ITPRID1: variants seen among roughly 807,000 people sequenced by gnomAD.
The protein encoded by ITPRID1 is ITPR interacting domain containing 1.
ITPRID1 carries 96 observed loss-of-function variants against 95.4 expected under a neutral mutation model. That is an observed-to-expected ratio of 1.01 (90% CI 0.85 to 1.19). The LOEUF is 1.19. Among genes scored for constraint, ITPRID1 ranks in the 50% most tolerant of loss-of-function variants. The pLI is 0.00. For synonymous variants in ITPRID1, 510 were observed against 453.6 expected (o/e 1.12, Z -1.58); for missense variants, 1,339 against 1,252.9 (o/e 1.07, Z -1.04).
At chr7:31,645,952 A>G (rs27326) in intron 12 of ITPRID1, among the ~76,000 whole-genome samples, 30,663 of 152,104 alleles carry the variant, frequency 0.2, 3,187 homozygotes, top group Non-Finnish European at 0.2. Flanking sequence ...AATGTTAGGG[A>G]TGAAAGATAG....
intron 1 of ITPRID1, among the ~76,000 whole-genome samples, chr7:31,544,844 A>C (rs139951833): frequency 6.6e-6 from 1 of 152,216 alleles, no homozygotes; most frequent in East Asian, 1.9e-4. Context: ...AGAGACTACA[A>C]AAAAAAGTAA....
intron 1 of ITPRID1, among the ~76,000 whole-genome samples, chr7:31,537,113 G>C (rs1783786559): frequency 6.6e-6 from 1 of 151,380 alleles, no homozygotes; most frequent in Non-Finnish European, 1.5e-5. Flanking sequence ...GTGTGTGTGT[G>C]TGTGTGTGTG....
At chr7:31,625,456 G>A (rs946083586) in intron 10 of ITPRID1, among the ~76,000 whole-genome samples, 1 of 152,058 alleles carries the variant, frequency 6.6e-6, no homozygotes, top group African/African-American at 2.4e-5. Context: ...AAAATGATGA[G>A]TTCATGTCCT....
intron 10 of ITPRID1, among the ~76,000 whole-genome samples, chr7:31,602,701 G>A (rs991099496): frequency 7.9e-5 from 12 of 152,168 alleles, no homozygotes; most frequent in Non-Finnish European, 5.9e-5. Context: ...TCGTCTTGCT[G>A]TCCCCTGCTC....
rs925656716 is a variant in ITPRID1 at position 31,642,693 on chromosome 7, G to A, written c.1323G>A (p.Leu441=). Residue 441 remains leucine (L), a synonymous_variant, in exon 12 of 15, where the codon TTG becomes TTA. Coordinates refer to ENST00000615280, the MANE Select transcript of ITPRID1 (RefSeq NM_001257967.3). ...LEPLPLQMPS[L]PNSQSPAENG... is the part of the protein sequence containing the mutation. ...GGTTTCCCCTACAGATGCCTTCCTTGCCAAACAGCCAGAGTCCTGCTGAGA... is the reference window on the plus strand; with the variant it reads ...GGTTTCCCCTACAGATGCCTTCCTTACCAAACAGCCAGAGTCCTGCTGAGA... The A allele has an allele frequency of 1.9e-6, 3 of 1,613,282 alleles. No homozygotes were observed. The highest frequency in any genetic ancestry group is 1.7e-6 in the Non-Finnish European group (2 of 1,179,464).
chr7:31,630,624 A>G (rs1317337736), intron 10 of ITPRID1, among the ~76,000 whole-genome samples: 6 of 152,332 alleles, frequency 3.9e-5, no homozygotes, highest in African/African-American at 1.2e-4. Flanking sequence ...AGTATGTCAC[A>G]TATTTACCAA....
intron 1 of ITPRID1, among the ~76,000 whole-genome samples, chr7:31,526,420 G>A (rs1783423499): frequency 6.6e-6 from 1 of 152,030 alleles, no homozygotes; most frequent in Non-Finnish European, 1.5e-5. Flanking sequence ...AGTTGTAGGG[G>A]AAAAAATGGT....
downstream of ITPRID1, among the ~76,000 whole-genome samples, chr7:31,656,734 A>G (rs1416299338): frequency 1.3e-5 from 2 of 152,188 alleles, no homozygotes; most frequent in Non-Finnish European, 2.9e-5. Flanking sequence ...CAGAAAGATG[A>G]CTTCATGTGT....
chr7:31,617,209 A>G (rs1029522827), intron 10 of ITPRID1, among the ~76,000 whole-genome samples: 3 of 152,202 alleles, frequency 2.0e-5, no homozygotes, highest in African/African-American at 7.2e-5. Context: ...TATTTCTTCT[A>G]TAAACTCAAT....
intron 1 of ITPRID1, among the ~76,000 whole-genome samples, chr7:31,524,356 G>C (rs905501611): frequency 6.6e-6 from 1 of 152,198 alleles, no homozygotes; most frequent in Non-Finnish European, 1.5e-5. Context: ...GCTGCCTGGA[G>C]TGTCTTAGAA....
At chr7:31,617,375 T>G (rs1027609884) in intron 10 of ITPRID1, among the ~76,000 whole-genome samples, 1 of 152,218 alleles carries the variant, frequency 6.6e-6, no homozygotes, top group Admixed American at 6.5e-5. Flanking sequence ...ATCATACCTC[T>G]ATGTAGTATT....
At chr7:31,640,196 C>T (rs571680056) in intron 10 of ITPRID1, among the ~76,000 whole-genome samples, 7 of 152,218 alleles carry the variant, frequency 4.6e-5, no homozygotes, top group African/African-American at 1.7e-4. Flanking sequence ...AGTATTCTAC[C>T]CCTCAATGTC....
intron 3 of ITPRID1, 44 bp from the exon 4 acceptor site, chr7:31,554,431 C>T (rs1784382035): frequency 1.3e-6 from 2 of 1,598,758 alleles, no homozygotes; most frequent in East Asian, 2.3e-5. Context: ...ATCCTTTTAG[C>T]TGGTTGTGCT....
chr7:31,572,870 G>T (rs1399966072), intron 7 of ITPRID1, among the ~76,000 whole-genome samples: 1 of 152,152 alleles, frequency 6.6e-6, no homozygotes, highest in Non-Finnish European at 1.5e-5. Context: ...TCATTTTTGA[G>T]CCATGTGTAC....
At chr7:31,636,369 T>C (rs1789483078) in intron 10 of ITPRID1, among the ~76,000 whole-genome samples, 1 of 152,236 alleles carries the variant, frequency 6.6e-6, no homozygotes, top group Non-Finnish European at 1.5e-5. Flanking sequence ...AGAGGGTTAA[T>C]AGCAAACATT....
Position 31,559,364 on chromosome 7 carries a change from A to C in ITPRID1, c.256+4463A>C, listed in dbSNP as rs113458990. ...TACTTATTGCAGAATTTGTATAGAAACACTCATATTCCATGGCCAGACACA... is the reference window on the plus strand; with the variant it reads ...TACTTATTGCAGAATTTGTATAGAACCACTCATATTCCATGGCCAGACACA... On this transcript the variant is annotated intron_variant, in intron 5 of 14. Coordinates refer to ENST00000615280, the MANE Select transcript of ITPRID1 (RefSeq NM_001257967.3). 4.9e-3 allele frequency among the ~76,000 whole-genome samples: 746 copies of C among 152,232 alleles called. 6 individuals carry two copies. Among genetic ancestry groups the C allele is most frequent in the African/African-American group, 0.017 (711 of 41,542 alleles).
intron 2 of ITPRID1, among the ~76,000 whole-genome samples, chr7:31,552,372 C>A (rs1784309456): frequency 9.8e-6 from 1 of 102,338 alleles, no homozygotes; most frequent in South Asian, 3.3e-4. Context: ...AAAATTGTGA[C>A]AATTATATTA....
At chr7:31,573,381 A>T (rs568212193) in intron 7 of ITPRID1, among the ~76,000 whole-genome samples, 17 of 149,196 alleles carry the variant, frequency 1.1e-4, no homozygotes, top group South Asian at 2.1e-4. Flanking sequence ...TTTTTTTTTA[A>T]AAAAGAGACA....
intron 1 of ITPRID1, among the ~76,000 whole-genome samples, chr7:31,539,169 C>T (rs896319857): frequency 1.3e-5 from 2 of 152,000 alleles, no homozygotes; most frequent in Non-Finnish European, 2.9e-5. Context: ...TATGTGTGAA[C>T]ATAAGTTTTT....
Sources: allele counts gnomAD v4.1 joint callset (sites outside exome capture counted in the v4.1 genomes callset), GRCh38; gene constraint gnomAD v4.1.1; transcripts MANE v1.5; gene names NCBI Gene and HGNC (gene_info 2026-07-23, HGNC 2026-07-21).